HSDL2: variants seen among roughly 807,000 people sequenced by gnomAD.
HSDL2 encodes the protein hydroxysteroid dehydrogenase-like protein 2.
HSDL2 carries 27 observed loss-of-function variants against 46.3 expected under a neutral mutation model. The ratio of observed to expected loss-of-function variants is 0.58; its 90% CI spans 0.43 to 0.80. HSDL2 has a LOEUF of 0.80. HSDL2 is among the 30% of genes least tolerant of loss of function. The probability of loss-of-function intolerance (pLI) is 0.00; values close to 1 mark genes in which losing one functional copy is unlikely to be tolerated. For synonymous variants in HSDL2, 153 were observed against 163.6 expected (o/e 0.94, Z 0.50); for missense variants, 451 against 502.7 (o/e 0.90, Z 0.98).
At chr9:112,395,267 C>T (rs1383095611) in intron 1 of HSDL2, among the ~76,000 whole-genome samples, 1 of 152,120 alleles carries the variant, frequency 6.6e-6, no homozygotes, top group Non-Finnish European at 1.5e-5. Context: ...CAGATCTCAC[C>T]AGGTATGAGG....
Position 112,427,090 on chromosome 9 carries a change from T to A in HSDL2, c.598+8132T>A, listed in dbSNP as rs555104656. 1.6e-3 allele frequency among the ~76,000 whole-genome samples: 241 copies of A among 152,330 alleles called. 2 individuals carry two copies. Among genetic ancestry groups the A allele is most frequent in the Middle Eastern group, 0.014 (4 of 294 alleles). On this transcript the variant is annotated intron_variant, in intron 6 of 10. Transcript: ENST00000398805. ...ATTTTTTCGAGGCAGAGTCTCACTC[T>A]GTCACCCAGGCTGGAGTGCAGTGGC...
intron 1 of HSDL2, among the ~76,000 whole-genome samples, chr9:112,392,718 C>A (rs899187974): frequency 1.3e-5 from 2 of 152,070 alleles, no homozygotes; most frequent in African/African-American, 2.4e-5. Context: ...TTATTCTATT[C>A]TTTTTCAAGG....
chr9:112,426,234 C>CTTTTT (rs71382430), intron 6 of HSDL2, among the ~76,000 whole-genome samples: 6 of 95,776 alleles, frequency 6.3e-5, no homozygotes, highest in Non-Finnish European at 1.2e-4. Flanking sequence ...GGTAAGCCTT[C>CTTTTT]TTTTTTTTTT....
intron 10 of HSDL2, among the ~76,000 whole-genome samples, chr9:112,465,754 A>G (rs751208943): frequency 5.9e-5 from 9 of 152,308 alleles, no homozygotes; most frequent in African/African-American, 1.9e-4. Flanking sequence ...TTCTGGCTGA[A>G]TATTATTCCA....
chr9:112,441,424 G>A (rs1832635623), intron 7 of HSDL2, among the ~76,000 whole-genome samples: 1 of 152,094 alleles, frequency 6.6e-6, no homozygotes, highest in Non-Finnish European at 1.5e-5. Flanking sequence ...GGATGAGAAG[G>A]GCAGAGGTTC....
intron 9 of HSDL2, among the ~76,000 whole-genome samples, chr9:112,454,978 T>C (rs764151933): frequency 1.3e-5 from 2 of 152,188 alleles, no homozygotes; most frequent in African/African-American, 2.4e-5. Flanking sequence ...AGTGCTGAGA[T>C]TGCAGGTGTG....
At chr9:112,433,453 TG>T (rs1303652949) in intron 6 of HSDL2, among the ~76,000 whole-genome samples, 2 of 152,048 alleles carry the variant, frequency 1.3e-5, no homozygotes, top group African/African-American at 4.8e-5. Flanking sequence ...CTATATTCAG[TG>T]GAGAGCCACT....
chr9:112,395,332 C>T lies in HSDL2; in HGVS notation c.18-8663C>T, dbSNP rs184094173. ...GTGGTTTTCATTGTCAGTATGCATA[C>T]GAAGTTTAAGTCTTCTAGTGGGCAC... On this transcript the variant is annotated intron_variant, in intron 1 of 10. Transcript: ENST00000398805. 2.0e-5 allele frequency among the ~76,000 whole-genome samples: 3 copies of T among 152,260 alleles called. No homozygotes were observed. In the East Asian group the frequency reaches 5.8e-4, roughly 29 times the overall value.
chr9:112,454,254 G>C, intron 9 of HSDL2, 92 bp downstream of exon 9: 1 of 1,000,800 alleles, frequency 1.0e-6, no homozygotes, highest in South Asian at 1.6e-5. Flanking sequence ...TGATCCCCTG[G>C]ATAGTTGGCT....
At chr9:112,433,240 T>C (rs796999818) in intron 6 of HSDL2, among the ~76,000 whole-genome samples, 6 of 152,298 alleles carry the variant, frequency 3.9e-5, no homozygotes, top group South Asian at 2.1e-4. Flanking sequence ...CATGCAAAGA[T>C]TGCAGTTTGG....
intron 4 of HSDL2, among the ~76,000 whole-genome samples, chr9:112,416,393 C>A: frequency 6.6e-6 from 1 of 151,526 alleles, no homozygotes; most frequent in African/African-American, 2.4e-5. Context: ...CATGCCACTG[C>A]ACTCCAGCCT....
chr9:112,407,042 T>G (rs1320808410), intron 3 of HSDL2, among the ~76,000 whole-genome samples: 1 of 150,120 alleles, frequency 6.7e-6, no homozygotes, highest in Admixed American at 7.0e-5. Context: ...AGCAAGGCTG[T>G]ACTTATAATC....
chr9:112,399,931 T>G (rs1451596138), intron 1 of HSDL2, among the ~76,000 whole-genome samples: 1 of 152,234 alleles, frequency 6.6e-6, no homozygotes, highest in Non-Finnish European at 1.5e-5. Flanking sequence ...TGAGGTGACG[T>G]ACATCCTCAG....
chr9:112,459,151 TTC>T (rs1833127946), intron 9 of HSDL2, among the ~76,000 whole-genome samples: 4 of 152,172 alleles, frequency 2.6e-5, no homozygotes, highest in Admixed American at 2.6e-4. Context: ...CTGTTCTACT[TTC>T]TGTCTTTATG....
At chr9:112,423,973 C>G (rs1428497966) in intron 6 of HSDL2, among the ~76,000 whole-genome samples, 1 of 151,652 alleles carries the variant, frequency 6.6e-6, no homozygotes, top group African/African-American at 2.4e-5. Context: ...CTTGGCCTCC[C>G]AAAGTGCTGG....
intron 1 of HSDL2, among the ~76,000 whole-genome samples, chr9:112,394,914 G>A (rs12684428): frequency 0.013 from 2,002 of 152,320 alleles, 74 homozygotes; most frequent in East Asian, 0.1. Flanking sequence ...ATCCATCCAG[G>A]TGAGAGGTCG....
Position 112,390,538 on chromosome 9 carries a change from C to T in HSDL2, c.17+10358C>T, listed in dbSNP as rs183215901. On this transcript the variant is annotated intron_variant, in intron 1 of 10. Transcript: ENST00000398805. Reference sequence around the variant, plus strand: ...ACATGATCATGGCTCACTGCAGCCTCGACCTCCTGGGCTCAAGCAATCCTT... The same window carrying T: ...ACATGATCATGGCTCACTGCAGCCTTGACCTCCTGGGCTCAAGCAATCCTT... 2.7e-3 allele frequency among the ~76,000 whole-genome samples: 410 copies of T among 152,180 alleles called. 12 individuals are homozygous for T. Among genetic ancestry groups the T allele is most frequent in the Admixed American group, 0.025 (375 of 15,290 alleles).
At chr9:112,446,098 T>A (rs903106867) in intron 8 of HSDL2, among the ~76,000 whole-genome samples, 1 of 127,194 alleles carries the variant, frequency 7.9e-6, no homozygotes, top group Non-Finnish European at 1.6e-5. Flanking sequence ...ATTTTTTTCA[T>A]AGGCATCAGG....
At chr9:112,384,921 TAAATAC>T (rs1161461750) in intron 1 of HSDL2, among the ~76,000 whole-genome samples, 1 of 152,024 alleles carries the variant, frequency 6.6e-6, no homozygotes, top group Non-Finnish European at 1.5e-5. Context: ...CAAATCTTAC[TAAATAC>T]AAGCATTGGC....
Sources: gnomAD v4.1 joint callset for allele counts (sites outside exome capture counted in the v4.1 genomes callset) on GRCh38, gnomAD v4.1.1 for gene constraint, MANE v1.5 for transcripts, NCBI Gene and HGNC (gene_info 2026-07-23, HGNC 2026-07-21) for gene names.